CELF2: variants seen among roughly 807,000 people sequenced by gnomAD.
The protein encoded by CELF2 is CUG triplet repeat RNA-binding protein 2.
Under a neutral mutation model 62.6 loss-of-function variants are expected in CELF2, and 8 were observed. The observed-to-expected ratio is 0.13, with a 90% CI of 0.07 to 0.23. The LOEUF (loss-of-function observed/expected upper bound fraction) is 0.23, where lower values mean the gene tolerates loss of function less well. CELF2 is among the 10% of genes least tolerant of loss of function. The pLI is 1.00. For missense variants in CELF2, 333 were observed against 671.0 expected, an observed-to-expected ratio of 0.50 and a Z score of 5.56; for synonymous variants, 258 against 250.0, an observed-to-expected ratio of 1.03 and a Z score of -0.30.
intron 3 of CELF2, among the ~76,000 whole-genome samples, chr10:11,248,366 G>C (rs991206000): frequency 6.6e-6 from 1 of 152,110 alleles, no homozygotes; most frequent in Non-Finnish European, 1.5e-5. Context: ...GCTGTGTCTA[G>C]TCCTTTCTAC....
At chr10:10,619,799 G>C in the CELF2 span, among the ~76,000 whole-genome samples, 1 of 152,106 alleles carries the variant, frequency 6.6e-6, no homozygotes, top group Non-Finnish European at 1.5e-5. Context: ...AGACCCCATG[G>C]GCTTACATAC....
the CELF2 span, among the ~76,000 whole-genome samples, chr10:10,513,904 T>A: frequency 6.6e-6 from 1 of 152,068 alleles, no homozygotes; most frequent in Non-Finnish European, 1.5e-5. Context: ...TAGGTCCCTG[T>A]CTAAGCAAAA....
At chr10:10,626,474 T>C in the CELF2 span, among the ~76,000 whole-genome samples, 1 of 152,072 alleles carries the variant, frequency 6.6e-6, no homozygotes, top group Non-Finnish European at 1.5e-5. Context: ...GTTTCATGCA[T>C]GTGAAACCTA....
chr10:11,172,805 G>T (rs1190499453), intron 2 of CELF2, among the ~76,000 whole-genome samples: 1 of 152,186 alleles, frequency 6.6e-6, no homozygotes, highest in Non-Finnish European at 1.5e-5. Flanking sequence ...TCTGTCTGGG[G>T]CATTAAGACT....
At position 11,098,793 on chromosome 10, in the gene CELF2, G is replaced by C. The variant is rs1412887683; in HGVS notation, c.75-66693G>C. 1.3e-5 allele frequency among the ~76,000 whole-genome samples: 2 copies of C among 152,188 alleles called. No homozygotes were observed. Among genetic ancestry groups the C allele is most frequent in the East Asian group, 1.9e-4 (1 of 5,204 alleles). ...GTTAATTTCTATGAACTGCTGGACA[G>C]CTGATTTGACCGAGGCTTCTTGGCT... is the stretch of plus-strand genomic sequence containing the variant. On this transcript the variant is annotated intron_variant, in intron 1 of 12. Coordinates refer to ENST00000633077, the MANE Select transcript of CELF2 (RefSeq NM_001326342.2). This position sits in a 1 kb window ranked among gnomAD's most constrained non-coding sequence, Gnocchi z 4.0.
chr10:10,476,142 G>A, the CELF2 span, among the ~76,000 whole-genome samples: 1 of 152,068 alleles, frequency 6.6e-6, no homozygotes, highest in Non-Finnish European at 1.5e-5. Flanking sequence ...AACATTCTGG[G>A]CAAATACCAT....
chr10:10,492,868 G>A, the CELF2 span, among the ~76,000 whole-genome samples: 1 of 149,340 alleles, frequency 6.7e-6, no homozygotes, highest in Non-Finnish European at 1.5e-5. Flanking sequence ...TAGTGAATAA[G>A]TCTCATGAGA....
intron 7 of CELF2, among the ~76,000 whole-genome samples, chr10:11,271,949 A>G (rs1169791471): frequency 1.3e-5 from 2 of 152,130 alleles, no homozygotes; most frequent in Non-Finnish European, 2.9e-5. Flanking sequence ...CCCAGAATCA[A>G]CCAGCCGCTA....
intron 1 of CELF2, among the ~76,000 whole-genome samples, chr10:11,164,447 A>G (rs1379373478): frequency 6.6e-6 from 1 of 152,182 alleles, no homozygotes; most frequent in Non-Finnish European, 1.5e-5. Flanking sequence ...GAGGACTGAT[A>G]TGCAAAAGCT....
At chr10:11,043,311 A>G (rs894431375) in intron 1 of CELF2, among the ~76,000 whole-genome samples, 2 of 152,248 alleles carry the variant, frequency 1.3e-5, no homozygotes, top group African/African-American at 4.8e-5. Context: ...CACCGTCACC[A>G]TTCACTGCAA....
At chr10:11,175,335 A>C (rs745632326) in intron 2 of CELF2, among the ~76,000 whole-genome samples, 2 of 152,172 alleles carry the variant, frequency 1.3e-5, no homozygotes, top group African/African-American at 2.4e-5. Context: ...TGAGATTGAA[A>C]AGGGGGAAAG....
chr10:10,763,929 T>C, the CELF2 span, among the ~76,000 whole-genome samples: 1 of 152,234 alleles, frequency 6.6e-6, no homozygotes, highest in Non-Finnish European at 1.5e-5. Flanking sequence ...AATTCCAGGA[T>C]GAGAAAGTGC....
intron 1 of CELF2, among the ~76,000 whole-genome samples, chr10:11,111,091 T>C (rs1447582823): frequency 1.3e-5 from 2 of 152,218 alleles, no homozygotes; most frequent in East Asian, 3.8e-4. Flanking sequence ...AGCTGTCATT[T>C]GGAAGTGATT....
chr10:11,092,514 G>A (rs772094216), intron 1 of CELF2: 12 of 152,194 alleles, frequency 7.9e-5, no homozygotes, highest in Non-Finnish European at 7.3e-5. Context: ...GCCTTCATAA[G>A]GAAATGAAGA....
At chr10:11,138,428 T>C (rs2060782090) in intron 1 of CELF2, among the ~76,000 whole-genome samples, 1 of 152,212 alleles carries the variant, frequency 6.6e-6, no homozygotes, top group Non-Finnish European at 1.5e-5. Context: ...TGAGTGGCCA[T>C]TGCTGTTCAA....
At chr10:10,692,467 G>A in the CELF2 span, among the ~76,000 whole-genome samples, 1 of 147,324 alleles carries the variant, frequency 6.8e-6, no homozygotes, top group Non-Finnish European at 1.5e-5. Context: ...TGTTCTTTTG[G>A]CTTAGGATTG....
chr10:10,952,374 T>C (rs1220092260), intron 2 of CELF2: 2 of 152,036 alleles, frequency 1.3e-5, no homozygotes, highest in African/African-American at 2.4e-5. Context: ...ACCCCAAAGA[T>C]AGGAGCTACA....
chr10:11,231,731 T>A (rs1165232889), intron 3 of CELF2, among the ~76,000 whole-genome samples: 2 of 150,710 alleles, frequency 1.3e-5, no homozygotes, highest in Non-Finnish European at 3.0e-5. Context: ...AAACGTTTAG[T>A]CTTTGATAGA....
chr10:11,088,227 A>G (rs2047339516), intron 1 of CELF2, among the ~76,000 whole-genome samples: 1 of 152,188 alleles, frequency 6.6e-6, no homozygotes. Flanking sequence ...ACGAATTTGT[A>G]CCCATGGCTA....
Sources: allele counts gnomAD v4.1 joint callset (sites outside exome capture counted in the v4.1 genomes callset), GRCh38; gene constraint gnomAD v4.1.1; non-coding constraint Gnocchi (gnomAD v3.1); transcripts MANE v1.5; gene names NCBI Gene and HGNC (gene_info 2026-07-23, HGNC 2026-07-21).